GAS2: variants seen among roughly 807,000 people sequenced by gnomAD.
GAS2 encodes the protein growth arrest-specific protein 2.
A neutral mutation model predicts 37.5 loss-of-function variants in GAS2; 20 were observed. The ratio of observed to expected loss-of-function variants is 0.53; its 90% CI spans 0.37 to 0.77. The LOEUF is 0.77. GAS2 is among the 30% of genes least tolerant of loss of function. The pLI is 0.00. For synonymous variants in GAS2, 144 were observed against 132.2 expected, an observed-to-expected ratio of 1.09 and a Z score of -0.61; for missense variants, 336 against 373.4, an observed-to-expected ratio of 0.90 and a Z score of 0.82.
In GAS2 at chr11:22,737,702, C is replaced by T. The variant is rs1191581274; in HGVS notation, c.410-3C>T. 1.2e-6 allele frequency: 2 copies of T among 1,613,948 alleles called. No individual in the cohort carries two copies. Among genetic ancestry groups the T allele is most frequent in the Non-Finnish European group, 1.7e-6 (2 of 1,179,956 alleles). ...AGGTGTTCGCCTCTGTCTTGTCTTT[C>T]AGTCCTCCACAAGCAACCCAGAGAA... On this transcript the variant is annotated splice_polypyrimidine_tract_variant and splice_region_variant and intron_variant, in intron 4 of 7. Transcript: ENST00000454584.
intron 1 of GAS2, among the ~76,000 whole-genome samples, chr11:22,652,716 A>G (rs540317806): frequency 2.6e-5 from 4 of 152,164 alleles, no homozygotes; most frequent in African/African-American, 7.2e-5. Flanking sequence ...TTCTTTGACT[A>G]GGAAAGGGAA....
intron 2 of GAS2, among the ~76,000 whole-genome samples, chr11:22,681,364 T>TAATC (rs1386210859): frequency 1.3e-5 from 2 of 152,200 alleles, no homozygotes; most frequent in Non-Finnish European, 2.9e-5. Context: ...CCACAATATT[T>TAATC]AATCAAATTT....
intron 1 of GAS2, among the ~76,000 whole-genome samples, chr11:22,649,331 G>A (rs1313772144): frequency 6.6e-6 from 1 of 151,962 alleles, no homozygotes; most frequent in Non-Finnish European, 1.5e-5. Context: ...GTATTTTATT[G>A]AGGATTTTTG....
chr11:22,759,895 G>T (rs978689030), intron 7 of GAS2, among the ~76,000 whole-genome samples: 1 of 152,220 alleles, frequency 6.6e-6, no homozygotes, highest in South Asian at 2.1e-4. Flanking sequence ...ATTGAAATCC[G>T]AATGAGCCTG....
intron 7 of GAS2, among the ~76,000 whole-genome samples, chr11:22,779,467 G>A (rs1855440400): frequency 6.6e-6 from 1 of 152,134 alleles, no homozygotes. Context: ...GGAGGCCAAG[G>A]CAGGCACATC....
rs545695661 is a variant in GAS2 at position 22,788,961 on chromosome 11, A to C, written c.724-22837A>C. Among the ~76,000 whole-genome samples the C allele has an allele frequency of 1.8e-3, 267 of 152,252 alleles. 1 individual carries two copies. The highest frequency in any genetic ancestry group is 2.8e-3 in the Non-Finnish European group (190 of 68,006). ...CTACCAATTAGGTAATTACTCAGTA[A>C]TTATTAATTATCATTTAATAGATAT... On this transcript the variant is annotated intron_variant, in intron 7 of 7. Transcript: ENST00000454584.
intron 7 of GAS2, among the ~76,000 whole-genome samples, chr11:22,790,575 G>A (rs1423760473): frequency 4.8e-5 from 7 of 145,254 alleles, no homozygotes; most frequent in Admixed American, 2.9e-4. Flanking sequence ...TATCCTCAAT[G>A]TTTTCTTCTT....
intron 6 of GAS2, among the ~76,000 whole-genome samples, chr11:22,754,390 A>G (rs1189511591): frequency 6.6e-6 from 1 of 152,100 alleles, no homozygotes; most frequent in Non-Finnish European, 1.5e-5. Flanking sequence ...AATGAGATAC[A>G]ATATGCTATG....
At chr11:22,665,506 G>C (rs1007334763), upstream of GAS2, among the ~76,000 whole-genome samples, 2 of 152,082 alleles carry the variant, frequency 1.3e-5, no homozygotes, top group Admixed American at 1.3e-4. Flanking sequence ...TATCCAAGCT[G>C]TTATGTTGAC....
At chr11:22,638,448 C>T (rs1389604576) in intron 1 of GAS2, among the ~76,000 whole-genome samples, 2 of 151,530 alleles carry the variant, frequency 1.3e-5, no homozygotes, top group South Asian at 2.1e-4. Context: ...CAGGTTCAAG[C>T]GATTCTCCTG....
intron 1 of GAS2, among the ~76,000 whole-genome samples, chr11:22,636,736 T>C (rs966192320): frequency 1.3e-5 from 2 of 151,826 alleles, no homozygotes; most frequent in African/African-American, 2.4e-5. Context: ...CATTAATTAA[T>C]TTTAAGTTAG....
At chr11:22,765,174 T>TTG (rs1265460126) in intron 7 of GAS2, among the ~76,000 whole-genome samples, 1 of 152,116 alleles carries the variant, frequency 6.6e-6, no homozygotes, top group African/African-American at 2.4e-5. Context: ...TCTAGTGATG[T>TTG]TGTGTGTGTG....
chr11:22,764,990 A>G (rs1374554592), intron 7 of GAS2, among the ~76,000 whole-genome samples: 1 of 152,230 alleles, frequency 6.6e-6, no homozygotes, highest in Non-Finnish European at 1.5e-5. Flanking sequence ...CTGTATCTAG[A>G]ATCAATGTAC....
Position 22,755,954 on chromosome 11 carries a change from G to C in GAS2, c.723+1G>C, listed in dbSNP as rs1854010513. ...GGGAGAAAAGATCCTCTTCATTAGGGTAAAGTTTTACTTTTCACTTATCTT... is the reference window on the plus strand; with the variant it reads ...GGGAGAAAAGATCCTCTTCATTAGGCTAAAGTTTTACTTTTCACTTATCTT... On this transcript the variant is annotated splice_donor_variant, in intron 7 of 7. Coordinates refer to ENST00000454584, the MANE Select transcript of GAS2 (RefSeq NM_001143830.3). LOFTEE classifies it high-confidence loss of function. 6.3e-7 allele frequency: 1 copy of C among 1,593,728 alleles called. No homozygotes were observed.
At chr11:22,686,619 A>G (rs7942090) in intron 3 of GAS2, among the ~76,000 whole-genome samples, 135,581 of 137,226 alleles carry the variant, frequency 0.99, 66,980 homozygotes, top group East Asian at 1. Context: ...GCATCATGAC[A>G]CATGTCTATA....
At chr11:22,755,794 C>T in intron 6 of GAS2, 52 bp from the exon 7 acceptor site, 7 of 1,371,896 alleles carry the variant, frequency 5.1e-6, no homozygotes, top group Non-Finnish European at 7.2e-6. Context: ...AGCAAATTAA[C>T]ATAAATGCAG....
At chr11:22,693,772 G>A (rs770340992) in intron 3 of GAS2, among the ~76,000 whole-genome samples, 1 of 152,164 alleles carries the variant, frequency 6.6e-6, no homozygotes, top group Admixed American at 6.5e-5. Flanking sequence ...AAACAGATCA[G>A]GTCCCTTTGG....
chr11:22,676,956 G>C (rs1454573520), intron 2 of GAS2, among the ~76,000 whole-genome samples: 1 of 152,074 alleles, frequency 6.6e-6, no homozygotes, highest in Admixed American at 6.6e-5. Flanking sequence ...ATTGCCTTTA[G>C]AAGAAGGTAT....
At chr11:22,755,142 T>G (rs1335766729) in intron 6 of GAS2, among the ~76,000 whole-genome samples, 2 of 152,124 alleles carry the variant, frequency 1.3e-5, no homozygotes, top group South Asian at 2.1e-4. Flanking sequence ...ATTTAGATTA[T>G]GTATTTTTAG....
Sources: gnomAD v4.1 joint callset for allele counts (sites outside exome capture counted in the v4.1 genomes callset) on GRCh38, gnomAD v4.1.1 for gene constraint, MANE v1.5 for transcripts, NCBI Gene and HGNC (gene_info 2026-07-23, HGNC 2026-07-21) for gene names.